TRPM8: variants seen among roughly 807,000 people sequenced by gnomAD.
TRPM8 encodes the protein transient receptor potential cation channel subfamily M member 8.
A neutral mutation model predicts 133.7 loss-of-function variants in TRPM8; 110 were observed. The observed-to-expected ratio is 0.82, with a 90% confidence interval of 0.70 to 0.96. The LOEUF is 0.96. Among genes scored for constraint, TRPM8 ranks in the 40% least tolerant of loss-of-function variants. The pLI is 0.00. For synonymous variants in TRPM8, 535 were observed against 532.3 expected (o/e 1.01, Z -0.07); for missense variants, 1,291 against 1,379.5 (o/e 0.94, Z 1.02).
chr2:234,004,523 G>T (rs954672856), intron 22 of TRPM8, among the ~76,000 whole-genome samples: 9 of 152,324 alleles, frequency 5.9e-5, no homozygotes, highest in African/African-American at 2.2e-4. Flanking sequence ...TTCTGAAATT[G>T]TTCTTCTTTG....
chr2:233,968,128 G>A (rs17863853), intron 15 of TRPM8: 30,151 of 152,088 alleles, frequency 0.2, 3,634 homozygotes, highest in African/African-American at 0.34. Context: ...GGGGCCTGAC[G>A]GTGATGCTCA....
intron 17 of TRPM8, among the ~76,000 whole-genome samples, chr2:233,979,654 CA>C (rs1380513948): frequency 7.2e-5 from 11 of 152,214 alleles, no homozygotes; most frequent in African/African-American, 2.7e-4. Context: ...CTGTTCCTGT[CA>C]GTCCTTTCTG....
At chr2:233,940,285 T>G (rs775225177) in intron 5 of TRPM8, among the ~76,000 whole-genome samples, 16 of 107,090 alleles carry the variant, frequency 1.5e-4, no homozygotes, top group Admixed American at 5.1e-4. Flanking sequence ...TAGACATGGG[T>G]TTTTTTTTTT....
At chr2:233,997,906 A>G (rs1160493591) in intron 22 of TRPM8, among the ~76,000 whole-genome samples, 1 of 152,170 alleles carries the variant, frequency 6.6e-6, no homozygotes, top group Non-Finnish European at 1.5e-5. Context: ...GCAGGGAGCC[A>G]GCATCCAGCT....
intron 9 of TRPM8, among the ~76,000 whole-genome samples, chr2:233,951,857 A>T (rs1574716718): frequency 6.6e-6 from 1 of 152,300 alleles, no homozygotes; most frequent in East Asian, 1.9e-4. Flanking sequence ...GAATGTATAC[A>T]TTCAGGCAAA....
intron 14 of TRPM8, among the ~76,000 whole-genome samples, chr2:233,965,322 G>A (rs1197295227): frequency 2.0e-5 from 3 of 152,192 alleles, no homozygotes; most frequent in Non-Finnish European, 4.4e-5. Flanking sequence ...GACATGCTGA[G>A]CTTCTATCAG....
intron 10 of TRPM8, 187 bp from the exon 11 acceptor site, chr2:233,954,945 T>C: frequency 3.8e-6 from 2 of 531,378 alleles, no homozygotes; most frequent in Non-Finnish European, 6.8e-6. Context: ...ATTATAAACT[T>C]TGGGACATAC....
At chr2:233,941,666 T>C (rs1690907220) in intron 5 of TRPM8, among the ~76,000 whole-genome samples, 1 of 152,188 alleles carries the variant, frequency 6.6e-6, no homozygotes, top group Non-Finnish European at 1.5e-5. Flanking sequence ...ACTAGGGTCA[T>C]TTCCAACTTT....
intron 5 of TRPM8, 39 bp downstream of exon 5, chr2:233,939,214 G>A: frequency 1.2e-6 from 2 of 1,606,482 alleles, no homozygotes; most frequent in Non-Finnish European, 1.7e-6. Flanking sequence ...CTTCCATTCG[G>A]GCTGCACCAA....
At chr2:233,997,633 A>G (rs547856248) in intron 22 of TRPM8, among the ~76,000 whole-genome samples, 5 of 151,724 alleles carry the variant, frequency 3.3e-5, no homozygotes, top group South Asian at 2.1e-4. Flanking sequence ...TCTGACCCCA[A>G]CTCCTAAGAC....
chr2:233,985,857 C>T lies in TRPM8; in HGVS notation c.2931C>T (p.Ala977=). The change falls in exon 21 of 26, where the codon GCC becomes GCT. Residue 977 remains alanine (A), a synonymous_variant. Transcript: ENST00000324695. ...TNILLVNLLV[A]MFGYTVGTVQ... ...TCCTGCTGGTCAACCTGCTGGTCGCCATGTTTGGGTATGTGTTCAGTCACA... is the reference window on the plus strand; with the variant it reads ...TCCTGCTGGTCAACCTGCTGGTCGCTATGTTTGGGTATGTGTTCAGTCACA... 1 of 1,612,542 alleles carries T rather than the reference C, an allele frequency of 6.2e-7. No individual in the cohort carries two copies. Among genetic ancestry groups the T allele is most frequent in the Non-Finnish European group, 8.5e-7 (1 of 1,179,212 alleles).
chr2:234,011,444 A>C (rs936043213), intron 24 of TRPM8, among the ~76,000 whole-genome samples: 2 of 152,002 alleles, frequency 1.3e-5, no homozygotes, highest in African/African-American at 4.8e-5. Flanking sequence ...GCTATTCAGA[A>C]TCTTCTGTGG....
rs201971040 is a variant in TRPM8 at position 233,955,248 on chromosome 2, G to A, written c.1360G>A (p.Glu454Lys). The A allele has an allele frequency of 3.1e-6, 5 of 1,612,808 alleles. No individual in the cohort carries two copies. Among genetic ancestry groups the A allele is most frequent in the South Asian group, 1.1e-5 (1 of 91,040 alleles). ...GATTTTCACCAATGACCGCCGATGG[G>A]AGGTAAGCACGAAGCTCTCCTGGGT... is the stretch of plus-strand genomic sequence containing the variant. ...DEIFTNDRRW[E>K]SADLQEVMFT... Residue 454 changes from glutamate (E) to lysine (K), a missense_variant and splice_region_variant, in exon 11 of 26, where the codon GAG becomes AAG. Physicochemically the swap from Glu to Lys is moderately conservative, Grantham distance 56 (BLOSUM62 1). Coordinates refer to ENST00000324695, the MANE Select transcript of TRPM8 (RefSeq NM_024080.5).
intron 1 of TRPM8, among the ~76,000 whole-genome samples, chr2:233,919,155 C>CA (rs199731881): frequency 6.6e-6 from 1 of 151,420 alleles, no homozygotes; most frequent in African/African-American, 2.4e-5. Flanking sequence ...ACTTATAAAA[C>CA]ATGCCAGAAG....
At chr2:233,922,818 T>G (rs1214702265) in intron 1 of TRPM8, among the ~76,000 whole-genome samples, 1 of 152,186 alleles carries the variant, frequency 6.6e-6, no homozygotes, top group Non-Finnish European at 1.5e-5. Flanking sequence ...CAGCCTGGTT[T>G]TTCTCCTTTA....
At chr2:233,948,181 C>A (rs941783433) in intron 8 of TRPM8, among the ~76,000 whole-genome samples, 14 of 152,198 alleles carry the variant, frequency 9.2e-5, no homozygotes, top group African/African-American at 3.4e-4. Flanking sequence ...TCATCTAGTA[C>A]TTCTCATTAT....
chr2:233,938,528 A>G (rs1305697741), intron 4 of TRPM8, among the ~76,000 whole-genome samples: 2 of 152,214 alleles, frequency 1.3e-5, no homozygotes, highest in African/African-American at 4.8e-5. Context: ...ACATTAATCA[A>G]CATATGTAAG....
intron 23 of TRPM8, among the ~76,000 whole-genome samples, chr2:234,007,453 A>G (rs1289539150): frequency 6.6e-6 from 1 of 152,264 alleles, no homozygotes; most frequent in Non-Finnish European, 1.5e-5. Context: ...AAGCTGTTAT[A>G]AAATCCATGT....
At position 233,930,692 on chromosome 2, in the gene TRPM8, A is replaced by C. The variant is rs1282792285; in HGVS notation, c.142A>C (p.Asn48His). ...GGACTTGGTGAATTTTATTCAAGCAAATTTTAAGAAACGAGAATGTGTCTT... is the reference window on the plus strand; with the variant it reads ...GGACTTGGTGAATTTTATTCAAGCACATTTTAAGAAACGAGAATGTGTCTT... ...ESDLVNFIQA[N>H]FKKRECVFFT... Residue 48 changes from asparagine to histidine, a missense_variant, in exon 3 of 26, where the codon AAT becomes CAT. Transcript: ENST00000324695. The C allele has an allele frequency of 6.2e-7, 1 of 1,609,486 alleles. No homozygotes were observed. Among genetic ancestry groups the C allele is most frequent in the African/African-American group, 1.3e-5 (1 of 74,996 alleles).
Sources: gnomAD v4.1 joint callset for allele counts (sites outside exome capture counted in the v4.1 genomes callset) on GRCh38, gnomAD v4.1.1 for gene constraint, MANE v1.5 for transcripts, NCBI Gene and HGNC (gene_info 2026-07-23, HGNC 2026-07-21) for gene names.